The following HEMK2 variants were observed in gnomAD, a reference collection of about 807,000 sequenced individuals.
HEMK2 encodes the protein HemK methyltransferase 2, ETF1 glutamine and histone H4 lysine, also known as methyltransferase HEMK2.
the HEMK2 span, among the ~76,000 whole-genome samples, chr21:28,833,239 A>G: frequency 6.6e-6 from 1 of 152,256 alleles, no homozygotes. Flanking sequence ...ATTAGAAAGA[A>G]ATAAAACCGC....
the HEMK2 span, among the ~76,000 whole-genome samples, chr21:28,688,110 C>A: frequency 5.0e-3 from 757 of 152,262 alleles, 6 homozygotes; most frequent in African/African-American, 0.017. Flanking sequence ...TGATCACCAG[C>A]TGATTTTTCA....
At chr21:28,851,618 G>A in the HEMK2 span, among the ~76,000 whole-genome samples, 153 of 152,312 alleles carry the variant, frequency 1.0e-3, no homozygotes, top group African/African-American at 3.2e-3. Flanking sequence ...CTAAATTTTA[G>A]TTGGATTTAT....
chr21:28,723,945 G>GT, the HEMK2 span, among the ~76,000 whole-genome samples: 1 of 152,088 alleles, frequency 6.6e-6, no homozygotes, highest in Non-Finnish European at 1.5e-5. Context: ...GAGTTATTCC[G>GT]TAACTTTGAC....
chr21:28,868,603 A>C, the HEMK2 span, among the ~76,000 whole-genome samples: 3 of 152,102 alleles, frequency 2.0e-5, no homozygotes, highest in Admixed American at 6.6e-5. Flanking sequence ...AGGATTGCCT[A>C]AGCTTGTGGG....
the HEMK2 span, among the ~76,000 whole-genome samples, chr21:28,676,317 A>C: frequency 6.6e-6 from 1 of 152,246 alleles, no homozygotes; most frequent in African/African-American, 2.4e-5. Context: ...TCTACGTTCT[A>C]ATCTCCTCAT....
chr21:28,714,463 T>C, the HEMK2 span, among the ~76,000 whole-genome samples: 1 of 152,148 alleles, frequency 6.6e-6, no homozygotes, highest in African/African-American at 2.4e-5. Flanking sequence ...GACAATGAGA[T>C]GAGGCTGAAT....
the HEMK2 span, among the ~76,000 whole-genome samples, chr21:28,608,583 T>C: frequency 1.3e-5 from 2 of 152,198 alleles, no homozygotes; most frequent in African/African-American, 4.8e-5. Context: ...TGGATGGCTA[T>C]TGCAGGCTCT....
the HEMK2 span, among the ~76,000 whole-genome samples, chr21:28,656,268 C>A: frequency 6.6e-6 from 1 of 152,006 alleles, no homozygotes; most frequent in Non-Finnish European, 1.5e-5. Context: ...ACATCCTTTG[C>A]CACAACCTAT....
chr21:28,760,294 C>A, the HEMK2 span, among the ~76,000 whole-genome samples: 6 of 152,184 alleles, frequency 3.9e-5, no homozygotes, highest in Non-Finnish European at 7.4e-5. Context: ...CAAGCCCATG[C>A]TATATCAAGG....
chr21:28,599,652 T>C, the HEMK2 span, among the ~76,000 whole-genome samples: 437 of 152,200 alleles, frequency 2.9e-3, 9 homozygotes, highest in East Asian at 0.059. Context: ...TTCCCAACAG[T>C]CCACCAAAGT....
the HEMK2 span, among the ~76,000 whole-genome samples, chr21:28,738,148 C>T: frequency 1.3e-5 from 2 of 152,188 alleles, no homozygotes; most frequent in African/African-American, 4.8e-5. Context: ...TGGTCACCTT[C>T]CACTTATGTA....
the HEMK2 span, chr21:28,878,273 C>T: frequency 1.7e-4 from 271 of 1,611,856 alleles, no homozygotes; most frequent in Non-Finnish European, 1.9e-4. Flanking sequence ...AAAAACCTGT[C>T]CATGACTTCC....
chr21:28,803,862 G>A, the HEMK2 span, among the ~76,000 whole-genome samples: 1 of 152,230 alleles, frequency 6.6e-6, no homozygotes, highest in Non-Finnish European at 1.5e-5. Context: ...TTGGGTTAGG[G>A]GAGGCAGAAC....
At chr21:28,863,436 A>T in the HEMK2 span, among the ~76,000 whole-genome samples, 1,584 of 77,286 alleles carry the variant, frequency 0.02, 125 homozygotes, top group Middle Eastern at 0.04. Context: ...ATATATATAT[A>T]TATATATATA....
the HEMK2 span, among the ~76,000 whole-genome samples, chr21:28,690,058 A>T: frequency 2.0e-5 from 3 of 152,176 alleles, no homozygotes; most frequent in Non-Finnish European, 4.4e-5. Context: ...GCAAAGGCAC[A>T]TCTTACACAG....
At chr21:28,671,860 C>G in the HEMK2 span, among the ~76,000 whole-genome samples, 1 of 152,156 alleles carries the variant, frequency 6.6e-6, no homozygotes, top group Non-Finnish European at 1.5e-5. Context: ...CACGTAAATT[C>G]TGCCATAGCA....
chr21:28,708,160 A>T, the HEMK2 span, among the ~76,000 whole-genome samples: 1 of 152,150 alleles, frequency 6.6e-6, no homozygotes, highest in Non-Finnish European at 1.5e-5. Flanking sequence ...ACATTAATGC[A>T]TGTTAATATC....
At chr21:28,595,360 T>G in the HEMK2 span, among the ~76,000 whole-genome samples, 1 of 151,506 alleles carries the variant, frequency 6.6e-6, no homozygotes, top group African/African-American at 2.4e-5. Context: ...CTGATAACTA[T>G]CCTTCCACTC....
At chr21:28,854,979 A>G in the HEMK2 span, among the ~76,000 whole-genome samples, 28 of 152,332 alleles carry the variant, frequency 1.8e-4, no homozygotes, top group East Asian at 4.8e-3. Context: ...ATAACTAGCT[A>G]ACAACATTAT....
Sources: gnomAD v4.1 joint callset for allele counts (sites outside exome capture counted in the v4.1 genomes callset) on GRCh38, gnomAD v4.1.1 for gene constraint, MANE v1.5 for transcripts, NCBI Gene and HGNC (gene_info 2026-07-23, HGNC 2026-07-21) for gene names.